CNTNAP2: variants seen among roughly 807,000 people sequenced by gnomAD.
CNTNAP2 encodes contactin associated protein 2.
Under a neutral mutation model 155.2 loss-of-function variants are expected in CNTNAP2, and 98 were observed. That is an observed-to-expected ratio of 0.63 (90% confidence interval 0.54 to 0.75). The LOEUF (loss-of-function observed/expected upper bound fraction) is 0.75, where lower values mean the gene tolerates loss of function less well. Among genes scored for constraint, CNTNAP2 ranks in the 30% least tolerant of loss-of-function variants. The probability of loss-of-function intolerance (pLI) is 0.00; values close to 1 mark genes in which losing one functional copy is unlikely to be tolerated. For synonymous variants in CNTNAP2, 651 were observed against 631.2 expected, an observed-to-expected ratio of 1.03 and a Z score of -0.47; for missense variants, 1,727 against 1,688.1, an observed-to-expected ratio of 1.02 and a Z score of -0.40.
intron 21 of CNTNAP2, among the ~76,000 whole-genome samples, chr7:148,319,907 G>A (rs1441863977): frequency 1.3e-5 from 2 of 151,902 alleles, no homozygotes; most frequent in African/African-American, 4.8e-5. Context: ...CAATGTGCTT[G>A]AATCATCCCA....
At chr7:147,867,563 T>C (rs1332825843) in intron 13 of CNTNAP2, among the ~76,000 whole-genome samples, 1 of 152,198 alleles carries the variant, frequency 6.6e-6, no homozygotes, top group Non-Finnish European at 1.5e-5. Flanking sequence ...GGTTGTATTC[T>C]CCCCATTACT....
chr7:148,328,082 A>G (rs1175413355), intron 21 of CNTNAP2, among the ~76,000 whole-genome samples: 1 of 152,232 alleles, frequency 6.6e-6, no homozygotes, highest in African/African-American at 2.4e-5. Context: ...TCTAAGGCAC[A>G]AGTGTGGAAA....
At chr7:148,147,447 TG>T in intron 16 of CNTNAP2, 43 bp from the exon 17 acceptor site, 1 of 1,576,018 alleles carries the variant, frequency 6.3e-7, no homozygotes, top group Non-Finnish European at 8.7e-7. Context: ...ATTTGGTATC[TG>T]GGAGAAAAAT....
At chr7:147,925,377 A>G (rs778428668) in intron 14 of CNTNAP2, among the ~76,000 whole-genome samples, 9 of 151,964 alleles carry the variant, frequency 5.9e-5, no homozygotes, top group Non-Finnish European at 1.0e-4. Context: ...TATTTGTTAT[A>G]CTCATGAACC....
At chr7:148,117,511 G>C (rs1804500122) in intron 15 of CNTNAP2, among the ~76,000 whole-genome samples, 1 of 152,220 alleles carries the variant, frequency 6.6e-6, no homozygotes, top group Non-Finnish European at 1.5e-5. Flanking sequence ...TGACACAGGA[G>C]TGAGCACTGG....
intron 1 of CNTNAP2, among the ~76,000 whole-genome samples, chr7:146,166,116 G>A (rs1408394108): frequency 6.6e-6 from 1 of 152,046 alleles, no homozygotes; most frequent in African/African-American, 2.4e-5. Flanking sequence ...GTTTTGAGAT[G>A]GAGTTTCACT....
At chr7:147,613,634 G>T (rs1433507668) in intron 12 of CNTNAP2, among the ~76,000 whole-genome samples, 1 of 152,030 alleles carries the variant, frequency 6.6e-6, no homozygotes, top group Non-Finnish European at 1.5e-5. Context: ...CTGAGGTCAG[G>T]AGTTCGAGAC....
rs1799642154 is a variant in CNTNAP2, at chr7:146,245,966, T to C, written c.97+128993T>C. Among the ~76,000 whole-genome samples, 3 of 140,138 alleles carry C rather than the reference T, an allele frequency of 2.1e-5. No homozygotes were observed. In the South Asian group the frequency reaches 6.5e-4, roughly 30 times the overall value. The allele number at this position is 140,138 out of a possible 152,430, so 91.9% of individuals were successfully genotyped here. On this transcript the variant is annotated intron_variant, in intron 1 of 23. Transcript: ENST00000361727. ...GAGGTGGATAGGCAAAACAATTTGG[T>C]TGATAAGGCATAGATCCTGAACTAA...
chr7:146,412,064 C>T (rs1342774507), intron 1 of CNTNAP2, among the ~76,000 whole-genome samples: 1 of 152,094 alleles, frequency 6.6e-6, no homozygotes, highest in Non-Finnish European at 1.5e-5. Flanking sequence ...ATCTCTTGAC[C>T]TCCAGTGATC....
chr7:147,558,222 A>G (rs1799988292), intron 11 of CNTNAP2, among the ~76,000 whole-genome samples: 1 of 152,142 alleles, frequency 6.6e-6, no homozygotes, highest in Non-Finnish European at 1.5e-5. Context: ...GTGTATTTAT[A>G]TATTTCTTTT....
At position 147,557,474 on chromosome 7, in the gene CNTNAP2, A is replaced by G. The variant is rs10236617; in HGVS notation, c.1778-4664A>G. On this transcript the variant is annotated intron_variant, in intron 11 of 23. Coordinates refer to ENST00000361727, the MANE Select transcript of CNTNAP2 (RefSeq NM_014141.6). ...ACTTGATGAGTCTATTTATTTTGCC[A>G]TCAACCCAATTACCTTTCTGTTCTT... Among the ~76,000 whole-genome samples the G allele has an allele frequency of 3.4e-3, 515 of 152,310 alleles. 3 individuals are homozygous for G. The highest frequency in any genetic ancestry group is 0.012 in the African/African-American group (493 of 41,566).
intron 1 of CNTNAP2, among the ~76,000 whole-genome samples, chr7:146,154,279 T>A (rs1183190679): frequency 6.6e-6 from 1 of 152,110 alleles, no homozygotes; most frequent in Admixed American, 6.6e-5. Flanking sequence ...TGCTATATAT[T>A]CCCCCCAACT....
intron 10 of CNTNAP2, among the ~76,000 whole-genome samples, chr7:147,465,275 G>GTAAC (rs1337063468): frequency 6.6e-6 from 1 of 152,204 alleles, no homozygotes; most frequent in Non-Finnish European, 1.5e-5. Context: ...ATATACCCAT[G>GTAAC]TAACAATCTT....
At chr7:147,189,610 C>T (rs561747189) in intron 8 of CNTNAP2, among the ~76,000 whole-genome samples, 2 of 152,230 alleles carry the variant, frequency 1.3e-5, no homozygotes, top group African/African-American at 4.8e-5. Flanking sequence ...TGTATGCATA[C>T]ATTTATTAAC....
At chr7:146,697,397 C>T (rs2533102) in intron 1 of CNTNAP2, among the ~76,000 whole-genome samples, 123,361 of 152,040 alleles carry the variant, frequency 0.81, 50,942 homozygotes, top group South Asian at 0.93. Context: ...GCCACCACAC[C>T]GGGTTAATTT....
At chr7:147,081,583 T>TTGTGTGTGTGTGTG (rs5888236) in intron 4 of CNTNAP2, 10 of 128,312 alleles carry the variant, frequency 7.8e-5, no homozygotes, top group African/African-American at 2.4e-4. Context: ...CCCGGCTAAT[T>TTGTGTGTGTGTGTG]TGTGTGTGTG....
At chr7:147,133,435 G>A (rs1172043482) in intron 8 of CNTNAP2, among the ~76,000 whole-genome samples, 1 of 151,930 alleles carries the variant, frequency 6.6e-6, no homozygotes, top group Non-Finnish European at 1.5e-5. Flanking sequence ...GGTGACCATG[G>A]ACTCTGATTT....
In CNTNAP2 at chr7:147,422,211, A is replaced by C. The variant is rs562766238; in HGVS notation, c.1670+26431A>C. Among the ~76,000 whole-genome samples the C allele has an allele frequency of 2.8e-3, 420 of 148,166 alleles. 1 individual carries two copies. Among genetic ancestry groups the C allele is most frequent in the South Asian group, 0.011 (52 of 4,758 alleles). ...ACTATATAGTATGTATATATACACAATATATATACTGTATATATAGTGTGT... is the reference window on the plus strand; with the variant it reads ...ACTATATAGTATGTATATATACACACTATATATACTGTATATATAGTGTGT... On this transcript the variant is annotated intron_variant, in intron 10 of 23. Transcript: ENST00000361727.
intron 3 of CNTNAP2, among the ~76,000 whole-genome samples, chr7:147,031,554 G>C (rs981581080): frequency 6.6e-6 from 1 of 152,164 alleles, no homozygotes; most frequent in Non-Finnish European, 1.5e-5. Context: ...CGATATGAGG[G>C]AATCTTAACA....
Sources: gnomAD v4.1 joint callset for allele counts (sites outside exome capture counted in the v4.1 genomes callset) on GRCh38, gnomAD v4.1.1 for gene constraint, MANE v1.5 for transcripts, NCBI Gene and HGNC (gene_info 2026-07-23, HGNC 2026-07-21) for gene names.